The following SLC40A1 variants were observed in gnomAD, a reference collection of about 807,000 sequenced individuals.
SLC40A1 encodes the protein solute carrier family 40 member 1.
Under a neutral mutation model 53.5 loss-of-function variants are expected in SLC40A1, and 16 were observed. That is an observed-to-expected ratio of 0.30 (90% CI 0.20 to 0.45). The LOEUF (loss-of-function observed/expected upper bound fraction) is 0.45. Among genes scored for constraint, SLC40A1 ranks in the 20% least tolerant of loss-of-function variants. The probability of loss-of-function intolerance (pLI) is 1.00; values close to 1 mark genes in which losing one functional copy is unlikely to be tolerated. For synonymous variants in SLC40A1, 247 were observed against 253.2 expected (o/e 0.98, Z 0.23); for missense variants, 545 against 695.4 (o/e 0.78, Z 2.43).
In SLC40A1 at chr2:189,563,896, G is replaced by A. The variant is rs751270910; in HGVS notation, c.1090C>T (p.Arg364Cys). The A allele has an allele frequency of 1.3e-5, 21 of 1,614,028 alleles. No individual in the cohort carries two copies. The East Asian group carries it at 2.0e-4, about 15-fold the overall frequency. The change falls in exon 7 of 8, where the codon CGT (arginine) becomes TGT (cysteine). Residue 364 changes from arginine (R) to cysteine (C), a missense_variant. Coordinates refer to ENST00000261024, the MANE Select transcript of SLC40A1 (RefSeq NM_014585.6). ...IMGTVAFTWL[R>C]RKCGLVRTGL... ...GTCCGAACCAAACCACATTTTCGAC[G>A]TAGCCAAGTAAAAGCTACAGTTCCC...
In SLC40A1 at chr2:189,571,781, T is replaced by C. The variant is rs954631081; in HGVS notation, c.448A>G (p.Thr150Ala). 1.2e-6 allele frequency: 2 copies of C among 1,613,426 alleles called. No homozygotes were observed. Among genetic ancestry groups the C allele is most frequent in the Non-Finnish European group, 1.7e-6 (2 of 1,179,486 alleles). The change falls in exon 5 of 8, where the codon ACT becomes GCT. Residue 150 changes from threonine (T) to alanine (A), a missense_variant. Transcript: ENST00000261024. Reference protein sequence around the residue: ...ANIANLASTATAITIQRDWIV... With the variant: ...ANIANLASTAAAITIQRDWIV... ...CAATCCCTTTGGATTGTGATTGCAG[T>C]AGCAGTACTGGCCAAATTTGCAATA...
intron 7 of SLC40A1, among the ~76,000 whole-genome samples, chr2:189,562,828 T>A (rs1201037440): frequency 6.6e-6 from 1 of 152,146 alleles, no homozygotes; most frequent in African/African-American, 2.4e-5. Context: ...GCAAACTATA[T>A]AATAAATACA....
Position 189,565,589 on chromosome 2 carries a change from G to A in SLC40A1, c.525C>T (p.Ala175=), listed in dbSNP as rs762788153. 5 of 1,614,064 alleles carry A rather than the reference G, an allele frequency of 3.1e-6. No individual in the cohort carries two copies. Among genetic ancestry groups the A allele is most frequent in the Admixed American group, 3.3e-5 (2 of 59,998 alleles). The part of the protein sequence containing the change: ...EDRSKLANMN[A]TIRRIDQLTN... The stretch of plus-strand genomic sequence containing the variant: ...TTAACTGGTCAATCCTTCGTATTGT[G>A]GCATTCATATCTAGAGAGGCAGGTG... Residue 175 remains alanine, a synonymous_variant, in exon 6 of 8, where the codon GCC becomes GCT. Coordinates refer to ENST00000261024, the MANE Select transcript of SLC40A1 (RefSeq NM_014585.6).
chr2:189,571,895 A>G (rs2031140363), intron 4 of SLC40A1, 54 bp from the exon 5 acceptor site: 6 of 1,113,648 alleles, frequency 5.4e-6, no homozygotes, highest in Middle Eastern at 2.0e-4. Flanking sequence ...CACACTGTAC[A>G]TATGTCACTA....
rs771526028 is a variant in SLC40A1, at chr2:189,580,445, C to T, written c.16G>A (p.Asp6Asn). The T allele has an allele frequency of 6.2e-7, 1 of 1,613,882 alleles. No homozygotes were observed. Among genetic ancestry groups the T allele is most frequent in the South Asian group, 1.1e-5 (1 of 91,084 alleles). MTRAG[D>N]HNRQRGCCGS... Reference sequence around the variant, plus strand: ...CAGCATCCTCTCTGGCGGTTGTGATCTCCCGCCCTGGTCATGACACTAGGC... The same window carrying T: ...CAGCATCCTCTCTGGCGGTTGTGATTTCCCGCCCTGGTCATGACACTAGGC... The change falls in exon 1 of 8, where the codon GAT (aspartate) becomes AAT (asparagine). Residue 6 changes from aspartate (D) to asparagine (N), a missense_variant. By Grantham distance (23) the Asp-to-Asn change is conservative. This residue lies in a region of SLC40A1 where 197 missense variants were observed against 278.8 expected (regional missense o/e 0.71). Coordinates refer to ENST00000261024, the MANE Select transcript of SLC40A1 (RefSeq NM_014585.6).
intron 5 of SLC40A1, among the ~76,000 whole-genome samples, chr2:189,567,953 A>G (rs1483558752): frequency 6.6e-6 from 1 of 152,212 alleles, no homozygotes; most frequent in East Asian, 1.9e-4. Context: ...GCAAGTAACT[A>G]AAGAAAACAT....
intron 5 of SLC40A1, among the ~76,000 whole-genome samples, chr2:189,569,737 C>T (rs2031061920): frequency 6.6e-6 from 1 of 152,152 alleles, no homozygotes; most frequent in East Asian, 1.9e-4. Context: ...GTAGAGTGGA[C>T]AAGAGTTCAA....
At chr2:189,567,799 GCAGCCTT>G (rs2030983502) in intron 5 of SLC40A1, among the ~76,000 whole-genome samples, 2 of 152,124 alleles carry the variant, frequency 1.3e-5, no homozygotes, top group African/African-American at 4.8e-5. Context: ...AGAGGCAAAG[GCAGCCTT>G]CATTGATCTT....
Position 189,564,148 on chromosome 2 carries a change from G to C in SLC40A1, c.838C>G (p.Gln280Glu). 1 of 1,612,740 alleles carries C rather than the reference G, an allele frequency of 6.2e-7. No homozygotes were observed. The highest frequency in any genetic ancestry group is 8.5e-7 in the Non-Finnish European group (1 of 1,179,584). Residue 280 changes from glutamine to glutamate, a missense_variant, in exon 7 of 8, where the codon CAA becomes GAA. Gln to Glu is a conservative substitution (Grantham distance 29). This residue lies in a region of SLC40A1 where 107 missense variants were observed against 91.0 expected (regional missense o/e 1.18). Transcript: ENST00000261024. ...ATCTGGGAGGCACAAGTAGGCTCTT[G>C]CTCATGTTCAAGCTCATGGATGTTA... ...DSNIHELEHE[Q>E]EPTCASQMAE...
At position 189,575,899 on chromosome 2, in the gene SLC40A1, G is replaced by A. The variant is rs10184864; in HGVS notation, c.112-579C>T. Among the ~76,000 whole-genome samples the A allele has an allele frequency of 1.1e-4, 17 of 152,252 alleles. No individual in the cohort carries two copies. The South Asian group carries it at 3.3e-3, about 30-fold the overall frequency. On this transcript the variant is annotated intron_variant, in intron 2 of 7. Transcript: ENST00000261024. Reference sequence around the variant, plus strand: ...TTCGAAAGTCATAAAACAGCAGAGCGATTGGAAAGAGGAGTAGTAACAGCA... The same window carrying A: ...TTCGAAAGTCATAAAACAGCAGAGCAATTGGAAAGAGGAGTAGTAACAGCA...
In SLC40A1 at chr2:189,561,750, T is replaced by C. The variant is rs1488681065; in HGVS notation, c.*128A>G. 4.6e-5 allele frequency: 36 copies of C among 788,788 alleles called. No individual in the cohort carries two copies. The East Asian group carries it at 9.1e-4, about 20-fold the overall frequency. 48.9% of individuals were successfully genotyped at this position (788,788 alleles called of 1,614,324 possible). A position where few individuals can be genotyped will look rare whatever the true frequency, so the allele number is the denominator to read the frequency against. ...TGACTTAGGTTTCCTAAACAGCTTTTAGTTCTCAAGGCACAGCTGTGGTAA... is the reference window on the plus strand; with the variant it reads ...TGACTTAGGTTTCCTAAACAGCTTTCAGTTCTCAAGGCACAGCTGTGGTAA... On this transcript the variant is annotated 3_prime_UTR_variant, in exon 8 of 8. Transcript: ENST00000261024.
At chr2:189,564,757 G>A (rs62183590) in intron 6 of SLC40A1, among the ~76,000 whole-genome samples, 8 of 152,034 alleles carry the variant, frequency 5.3e-5, no homozygotes, top group Admixed American at 2.6e-4. Flanking sequence ...GGAGAATGGC[G>A]TGAACCCAGG....
At chr2:189,578,455 C>G (rs1477629121) in intron 2 of SLC40A1, 1 of 707,104 alleles carries the variant, frequency 1.4e-6, no homozygotes. Flanking sequence ...GGTTTTCTGG[C>G]AAATCTGACC....
In SLC40A1 at chr2:189,580,452, C is replaced by T. The variant is rs777300058; in HGVS notation, c.9G>A (p.Arg3=). The T allele has an allele frequency of 1.2e-6, 2 of 1,613,828 alleles. No individual in the cohort carries two copies. Among genetic ancestry groups the T allele is most frequent in the East Asian group, 2.2e-5 (1 of 44,882 alleles). ...CTCTCTGGCGGTTGTGATCTCCCGCCCTGGTCATGACACTAGGCGACCCCG... is the reference window on the plus strand; with the variant it reads ...CTCTCTGGCGGTTGTGATCTCCCGCTCTGGTCATGACACTAGGCGACCCCG... MT[R]AGDHNRQRGC... is the part of the protein sequence containing the mutation. Residue 3 remains arginine (R), a synonymous_variant, in exon 1 of 8, where the codon AGG becomes AGA. Transcript: ENST00000261024.
At chr2:189,568,991 A>G (rs1039834799) in intron 5 of SLC40A1, among the ~76,000 whole-genome samples, 18 of 152,260 alleles carry the variant, frequency 1.2e-4, no homozygotes, top group African/African-American at 4.3e-4. Flanking sequence ...ATCATAAAAC[A>G]CTGTACTAAA....
At chr2:189,563,277 AAAAAAAAAAAAC>A (rs1296161921) in intron 7 of SLC40A1, among the ~76,000 whole-genome samples, 20 of 149,132 alleles carry the variant, frequency 1.3e-4, no homozygotes, top group Admixed American at 3.3e-4. Flanking sequence ...CCTGATCTCA[AAAAAAAAAAAAC>A]AAAAAAAAAA....
intron 5 of SLC40A1, among the ~76,000 whole-genome samples, chr2:189,566,041 C>T (rs932371007): frequency 1.3e-4 from 19 of 150,096 alleles, no homozygotes; most frequent in Admixed American, 2.0e-4. Flanking sequence ...TGTGTGTGTG[C>T]GTGTGTGTGT....
At chr2:189,563,365 T>C (rs1454978176) in intron 7 of SLC40A1, among the ~76,000 whole-genome samples, 1 of 151,266 alleles carries the variant, frequency 6.6e-6, no homozygotes, top group Non-Finnish European at 1.5e-5. Flanking sequence ...GTTTTAAGTA[T>C]ATGTATATAA....
rs1178878665 is a variant in SLC40A1, at chr2:189,565,506, A to C, written c.608T>G (p.Ile203Ser). 1 of 1,614,244 alleles carries C rather than the reference A, an allele frequency of 6.2e-7. No individual in the cohort carries two copies. Among genetic ancestry groups the C allele is most frequent in the South Asian group, 1.1e-5 (1 of 91,086 alleles). ...GQIMTFGSPV[I>S]GCGFISGWNL... Reference sequence around the variant, plus strand: ...CCATCCCGAAATAAAGCCACAGCCGATGACTGGGGAGCCAAATGTCATAAT... The same window carrying C: ...CCATCCCGAAATAAAGCCACAGCCGCTGACTGGGGAGCCAAATGTCATAAT... Residue 203 changes from isoleucine (I) to serine (S), a missense_variant, in exon 6 of 8, where the codon ATC becomes AGC. Ile to Ser is a moderately radical substitution (Grantham distance 142). This residue lies in a region of SLC40A1 where 197 missense variants were observed against 278.8 expected (regional missense o/e 0.71). Transcript: ENST00000261024.
Sources: allele counts gnomAD v4.1 joint callset (sites outside exome capture counted in the v4.1 genomes callset), GRCh38; gene constraint gnomAD v4.1.1; regional missense constraint gnomAD v4.1.1; transcripts MANE v1.5; gene names NCBI Gene and HGNC (gene_info 2026-07-23, HGNC 2026-07-21).